Variants in SLC25A21 observed in about 807,000 individuals in gnomAD.
SLC25A21 encodes mitochondrial 2-oxodicarboxylate carrier.
In SLC25A21, 47 loss-of-function variants were observed where a neutral mutation model predicts 43.8. The observed-to-expected ratio is 1.07, with a 90% CI of 0.85 to 1.37. SLC25A21 has a LOEUF of 1.37. Among genes scored for constraint, SLC25A21 ranks in the 40% most tolerant of loss-of-function variants. The pLI, the probability that SLC25A21 is intolerant of heterozygous loss-of-function variation, is 0.00. For missense variants in SLC25A21, 352 were observed against 350.2 expected, an observed-to-expected ratio of 1.00 and a Z score of -0.04; for synonymous variants, 131 against 121.3, an observed-to-expected ratio of 1.08 and a Z score of -0.52.
At position 36,680,568 on chromosome 14, in the gene SLC25A21, A is replaced by G. The variant is rs192921836; in HGVS notation, c.*90T>C. 1 of 1,491,368 alleles carries G rather than the reference A, an allele frequency of 6.7e-7. No individual in the cohort carries two copies. The highest frequency in any genetic ancestry group is 2.2e-5 in the Admixed American group (1 of 44,562). The allele number at this position is 1,491,368 out of a possible 1,614,324, so 92.4% of individuals were successfully genotyped here. Reference sequence around the variant, plus strand: ...TTGAACAGTTTTCTCCTTCATAATTATACACCTGGCCGATCGATAGTCTCT... The same window carrying G: ...TTGAACAGTTTTCTCCTTCATAATTGTACACCTGGCCGATCGATAGTCTCT... On this transcript the variant is annotated 3_prime_UTR_variant, in exon 10 of 10. Transcript: ENST00000331299.
chr14:36,823,906 G>T (rs996069465), intron 2 of SLC25A21, among the ~76,000 whole-genome samples: 2 of 152,112 alleles, frequency 1.3e-5, no homozygotes, highest in African/African-American at 4.8e-5. Context: ...CATTGTTCAG[G>T]ATGGGACTGA....
chr14:36,687,564 A>G (rs1315522901), intron 7 of SLC25A21, among the ~76,000 whole-genome samples: 1 of 152,180 alleles, frequency 6.6e-6, no homozygotes, highest in Non-Finnish European at 1.5e-5. Context: ...TGGGATGGCC[A>G]TGAGGCTATC....
chr14:36,887,320 T>C (rs1366916601), intron 1 of SLC25A21, among the ~76,000 whole-genome samples: 1 of 151,760 alleles, frequency 6.6e-6, no homozygotes, highest in Non-Finnish European at 1.5e-5. Context: ...TCTCGATACT[T>C]GGGAGGCCGA....
intron 3 of SLC25A21, among the ~76,000 whole-genome samples, chr14:36,762,374 A>T (rs934569150): frequency 4.6e-5 from 7 of 152,198 alleles, no homozygotes; most frequent in Admixed American, 4.6e-4. Flanking sequence ...GGGGAAAGGC[A>T]GCTCCGGGTC....
intron 1 of SLC25A21, among the ~76,000 whole-genome samples, chr14:37,032,211 A>G (rs10148080): frequency 0.48 from 73,428 of 152,006 alleles, 20,593 homozygotes; most frequent in African/African-American, 0.79. Context: ...TGCTTTCTGA[A>G]TTCCTAAAAT....
chr14:36,859,563 A>G (rs1293079234), intron 2 of SLC25A21, among the ~76,000 whole-genome samples: 2 of 152,138 alleles, frequency 1.3e-5, no homozygotes, highest in African/African-American at 4.8e-5. Flanking sequence ...CTGACAATGA[A>G]CAGGACTGGG....
At chr14:36,944,806 C>A (rs182048066) in intron 1 of SLC25A21, among the ~76,000 whole-genome samples, 5 of 152,258 alleles carry the variant, frequency 3.3e-5, no homozygotes, top group Admixed American at 6.5e-5. Flanking sequence ...CAAACACTGA[C>A]CCAAGATGAG....
chr14:36,978,272 G>A (rs573777324), intron 1 of SLC25A21, among the ~76,000 whole-genome samples: 2 of 152,216 alleles, frequency 1.3e-5, no homozygotes, highest in Admixed American at 1.3e-4. Flanking sequence ...CTACAATAAA[G>A]CGATTACTAC....
chr14:37,063,126 G>A (rs1961985085), intron 1 of SLC25A21, among the ~76,000 whole-genome samples: 1 of 152,066 alleles, frequency 6.6e-6, no homozygotes, highest in Non-Finnish European at 1.5e-5. Flanking sequence ...AAAACAGGAT[G>A]GAGAAACCGC....
rs1399246300 is a variant in SLC25A21 at position 36,958,679 on chromosome 14, G to GCGCGCACA, written c.71-83676_71-83675insTGTGCGCG. On this transcript the variant is annotated intron_variant, in intron 1 of 9. Transcript: ENST00000331299. ...TAGAGATGTACACATAAGCACACGT[G>GCGCGCACA]CACACACACACACACACACACACAC... Among the ~76,000 whole-genome samples, 387 of 136,972 alleles carry GCGCGCACA rather than the reference G, an allele frequency of 2.8e-3. 1 individual carries two copies. The highest frequency in any genetic ancestry group is 4.5e-3 in the Non-Finnish European group (273 of 61,094). The allele number at this position is 136,972 out of a possible 152,430, so 89.9% of individuals were successfully genotyped here. A position where few individuals can be genotyped will look rare whatever the true frequency, so the allele number is the denominator to read the frequency against.
At chr14:36,778,614 A>T (rs1425408510) in intron 3 of SLC25A21, among the ~76,000 whole-genome samples, 1 of 152,186 alleles carries the variant, frequency 6.6e-6, no homozygotes, top group Non-Finnish European at 1.5e-5. Context: ...ATTTATTAGA[A>T]TGGAAGCCCA....
intron 7 of SLC25A21, among the ~76,000 whole-genome samples, chr14:36,696,066 T>A (rs1182077682): frequency 6.6e-6 from 1 of 152,188 alleles, no homozygotes; most frequent in African/African-American, 2.4e-5. Context: ...GTTCTTATTA[T>A]TTTGAGATAC....
chr14:36,907,295 A>T (rs2138606639), intron 1 of SLC25A21, among the ~76,000 whole-genome samples: 1 of 152,290 alleles, frequency 6.6e-6, no homozygotes, highest in Non-Finnish European at 1.5e-5. Context: ...CAACTGCAAA[A>T]ATCTGAGAAG....
chr14:36,873,193 T>C (rs1334997683), intron 2 of SLC25A21, among the ~76,000 whole-genome samples: 1 of 152,144 alleles, frequency 6.6e-6, no homozygotes, highest in East Asian at 1.9e-4. Context: ...CCCAGGGAGT[T>C]TTGCTTTCTG....
At chr14:37,035,888 T>C (rs947084899) in intron 1 of SLC25A21, among the ~76,000 whole-genome samples, 1 of 152,230 alleles carries the variant, frequency 6.6e-6, no homozygotes, top group African/African-American at 2.4e-5. Context: ...TTTAAAAACA[T>C]ATTTGGGTCA....
At chr14:36,883,528 G>T (rs544187484) in intron 1 of SLC25A21, among the ~76,000 whole-genome samples, 1 of 152,062 alleles carries the variant, frequency 6.6e-6, no homozygotes, top group Non-Finnish European at 1.5e-5. Context: ...TGTGTTTATT[G>T]TTTCCTGTCT....
chr14:37,148,667 T>C (rs1963708904), intron 1 of SLC25A21, among the ~76,000 whole-genome samples: 1 of 152,156 alleles, frequency 6.6e-6, no homozygotes, highest in African/African-American at 2.4e-5. Context: ...TAAATATACA[T>C]TTATTGAGCA....
intron 6 of SLC25A21, among the ~76,000 whole-genome samples, chr14:36,720,635 C>T (rs1317318684): frequency 1.3e-5 from 2 of 152,262 alleles, no homozygotes; most frequent in Admixed American, 6.5e-5. Flanking sequence ...AGTTCATAAC[C>T]TTCCATGTGA....
chr14:36,718,297 T>C (rs1884231539), intron 6 of SLC25A21, among the ~76,000 whole-genome samples: 1 of 152,344 alleles, frequency 6.6e-6, no homozygotes, highest in Non-Finnish European at 1.5e-5. Flanking sequence ...AATGGATTCA[T>C]ATGCATAATT....
Sources: gnomAD v4.1 joint callset for allele counts (sites outside exome capture counted in the v4.1 genomes callset) on GRCh38, gnomAD v4.1.1 for gene constraint, MANE v1.5 for transcripts, NCBI Gene and HGNC (gene_info 2026-07-23, HGNC 2026-07-21) for gene names.